ANO6: variants seen among roughly 807,000 people sequenced by gnomAD.
ANO6 encodes anoctamin 6, also known as anoctamin-6.
Under a neutral mutation model 117.5 loss-of-function variants are expected in ANO6, and 106 were observed. The ratio of observed to expected loss-of-function variants is 0.90; its 90% CI spans 0.77 to 1.06. The LOEUF (loss-of-function observed/expected upper bound fraction) is 1.06, where lower values mean the gene tolerates loss of function less well. ANO6 is among the 50% of genes least tolerant of loss of function. The pLI is 0.00. For missense variants in ANO6, 955 were observed against 1,121.1 expected, an observed-to-expected ratio of 0.85 and a Z score of 2.12; for synonymous variants, 367 against 385.1, an observed-to-expected ratio of 0.95 and a Z score of 0.55.
At chr12:45,368,853 C>T (rs914375736) in intron 9 of ANO6, among the ~76,000 whole-genome samples, 1 of 152,128 alleles carries the variant, frequency 6.6e-6, no homozygotes, top group African/African-American at 2.4e-5. Flanking sequence ...CTTATACTTA[C>T]CACTTTTGAC....
intron 1 of ANO6, among the ~76,000 whole-genome samples, chr12:45,278,279 A>T (rs575585328): frequency 1.3e-5 from 2 of 152,314 alleles, no homozygotes; most frequent in South Asian, 4.1e-4. Context: ...TTTTAAAGGA[A>T]AAAAGTGTCC....
At chr12:45,353,934 C>T (rs921903109) in intron 7 of ANO6, among the ~76,000 whole-genome samples, 2 of 142,566 alleles carry the variant, frequency 1.4e-5, no homozygotes, top group East Asian at 1.9e-4. Context: ...AGAAATTATG[C>T]AGAGCATAGA....
At chr12:45,346,527 T>C (rs1941136720) in intron 3 of ANO6, among the ~76,000 whole-genome samples, 1 of 152,184 alleles carries the variant, frequency 6.6e-6, no homozygotes, top group African/African-American at 2.4e-5. Flanking sequence ...GCCTGTGTTG[T>C]TTTATTGAAT....
At chr12:45,240,690 G>T (rs1335822765) in intron 1 of ANO6, among the ~76,000 whole-genome samples, 1 of 152,086 alleles carries the variant, frequency 6.6e-6, no homozygotes, top group South Asian at 2.1e-4. Flanking sequence ...GGCTGGTACT[G>T]GTTGTTCCTT....
At chr12:45,359,613 A>C (rs560622301) in intron 8 of ANO6, among the ~76,000 whole-genome samples, 1 of 149,598 alleles carries the variant, frequency 6.7e-6, no homozygotes, top group Non-Finnish European at 1.5e-5. Context: ...ATGTTGTAGC[A>C]TGTATCAGTA....
intron 1 of ANO6, among the ~76,000 whole-genome samples, chr12:45,232,102 T>C (rs914683237): frequency 1.3e-5 from 2 of 152,232 alleles, no homozygotes; most frequent in African/African-American, 4.8e-5. Context: ...TGGATTTATC[T>C]TGCCTCACAA....
chr12:45,357,413 C>G lies in ANO6; in HGVS notation c.987C>G (p.Asn329Lys). 2 of 1,613,566 alleles carry G rather than the reference C, an allele frequency of 1.2e-6. No individual in the cohort carries two copies. The highest frequency in any genetic ancestry group is 8.5e-7 in the Non-Finnish European group (1 of 1,179,990). ...CFLYGYLNQDNCTWSKEVCHP... is the reference protein window; with the variant it reads ...CFLYGYLNQDKCTWSKEVCHP... ...TCTATGGATATCTTAATCAAGATAA[C>G]TGTACATGGAGGTAACCTCTGTTTA... Residue 329 changes from asparagine to lysine, a missense_variant, in exon 8 of 20, where the codon AAC (asparagine) becomes AAG (lysine). Transcript: ENST00000320560.
intron 2 of ANO6, among the ~76,000 whole-genome samples, chr12:45,325,270 C>G (rs1458163512): frequency 6.6e-6 from 1 of 152,104 alleles, no homozygotes; most frequent in African/African-American, 2.4e-5. Context: ...TAATTTAGGA[C>G]AACTCTCTTG....
At chr12:45,250,240 G>T (rs1947882052) in intron 1 of ANO6, among the ~76,000 whole-genome samples, 1 of 152,168 alleles carries the variant, frequency 6.6e-6, no homozygotes, top group South Asian at 2.1e-4. Context: ...TTTCAGACAG[G>T]TTTTTGAGGC....
intron 1 of ANO6, among the ~76,000 whole-genome samples, chr12:45,230,761 G>C (rs1053286771): frequency 6.6e-6 from 1 of 152,078 alleles, no homozygotes; most frequent in Non-Finnish European, 1.5e-5. Flanking sequence ...TTGTATTAAG[G>C]TCTAAAAAGT....
At chr12:45,302,148 C>A (rs1258649479) in intron 2 of ANO6, 55 bp downstream of exon 2, 3 of 1,529,066 alleles carry the variant, frequency 2.0e-6, no homozygotes, top group East Asian at 4.5e-5. Context: ...AGATTTTTCA[C>A]AAAATGAGAA....
At chr12:45,386,985 G>A (rs1294977684) in intron 10 of ANO6, among the ~76,000 whole-genome samples, 1 of 152,184 alleles carries the variant, frequency 6.6e-6, no homozygotes, top group Non-Finnish European at 1.5e-5. Flanking sequence ...CTTTATCATA[G>A]CCCTCTTAAT....
At chr12:45,308,895 T>C (rs1939762189) in intron 2 of ANO6, among the ~76,000 whole-genome samples, 1 of 152,018 alleles carries the variant, frequency 6.6e-6, no homozygotes, top group Non-Finnish European at 1.5e-5. Context: ...AGTACAATAT[T>C]GGCAAGATGT....
chr12:45,285,439 T>C (rs2137264155), intron 1 of ANO6, among the ~76,000 whole-genome samples: 1 of 152,268 alleles, frequency 6.6e-6, no homozygotes, highest in Middle Eastern at 3.4e-3. Flanking sequence ...AGTTGAGAAA[T>C]GCTGCAGTAA....
At chr12:45,240,994 A>G (rs1947734056) in intron 1 of ANO6, among the ~76,000 whole-genome samples, 2 of 151,374 alleles carry the variant, frequency 1.3e-5, no homozygotes, top group African/African-American at 2.4e-5. Flanking sequence ...TTTTTCCTTC[A>G]TTTCAACCTT....
chr12:45,250,061 T>C (rs1411486005), intron 1 of ANO6, among the ~76,000 whole-genome samples: 1 of 152,170 alleles, frequency 6.6e-6, no homozygotes, highest in Admixed American at 6.5e-5. Context: ...TTAATAAGTA[T>C]GCCAGCTAAC....
chr12:45,228,061 A>G (rs1947512645), intron 1 of ANO6: 2 of 278,250 alleles, frequency 7.2e-6, no homozygotes, highest in Admixed American at 4.6e-5. Flanking sequence ...TCATGAATGT[A>G]GGGATTATAG....
At position 45,429,264 on chromosome 12, in the gene ANO6, C is replaced by T. The variant is rs758435453; in HGVS notation, c.2686C>T (p.Arg896Trp). The T allele has an allele frequency of 8.2e-5, 132 of 1,613,554 alleles. No individual in the cohort carries two copies. In the Admixed American group the frequency reaches 1.2e-3, roughly 15 times the overall value. The change falls in exon 20 of 20, where the codon CGG (arginine) becomes TGG (tryptophan). Residue 896 changes from arginine to tryptophan, a missense_variant. Physicochemically the swap from Arg to Trp is moderately radical, Grantham distance 101. Transcript: ENST00000320560. ...GAAAAATATGGGGGTGATAGCTGAG[C>T]GGATGATAGAAGCAGTAGATAACAA... ...MTKNMGVIAE[R>W]MIEAVDNNLR... is the part of the protein sequence containing the mutation.
At chr12:45,393,701 A>T (rs895966983) in intron 12 of ANO6, among the ~76,000 whole-genome samples, 1 of 152,146 alleles carries the variant, frequency 6.6e-6, no homozygotes, top group South Asian at 2.1e-4. Flanking sequence ...CAACATTCTT[A>T]AAGAAAAGAA....
Sources: allele counts gnomAD v4.1 joint callset (sites outside exome capture counted in the v4.1 genomes callset), GRCh38; gene constraint gnomAD v4.1.1; transcripts MANE v1.5; gene names NCBI Gene and HGNC (gene_info 2026-07-23, HGNC 2026-07-21).